STK32B: variants seen among roughly 807,000 people sequenced by gnomAD.
The protein encoded by STK32B is serine/threonine-protein kinase 32B.
A neutral mutation model predicts 52.6 loss-of-function variants in STK32B; 43 were observed. The ratio of observed to expected loss-of-function variants is 0.82; its 90% confidence interval spans 0.64 to 1.05. STK32B has a LOEUF of 1.05. STK32B is among the 50% of genes least tolerant of loss of function. The probability of loss-of-function intolerance (pLI) is 0.00; values close to 1 mark genes in which losing one functional copy is unlikely to be tolerated. For missense variants in STK32B, 621 were observed against 534.6 expected (o/e 1.16, Z -1.59); for synonymous variants, 238 against 204.3 (o/e 1.17, Z -1.41).
At chr4:5,364,769 C>T (rs1452961014) in intron 4 of STK32B, among the ~76,000 whole-genome samples, 1 of 152,132 alleles carries the variant, frequency 6.6e-6, no homozygotes, top group East Asian at 1.9e-4. Context: ...TACTCCAGTC[C>T]CAACCCACAC....
intron 3 of STK32B, among the ~76,000 whole-genome samples, chr4:5,224,658 T>G (rs1247346377): frequency 5.9e-5 from 9 of 152,186 alleles, no homozygotes; most frequent in Non-Finnish European, 1.2e-4. Context: ...TCAGGCCTAC[T>G]ACTGGGGAAT....
At chr4:5,301,619 T>C (rs569080528) in intron 3 of STK32B, among the ~76,000 whole-genome samples, 1 of 151,406 alleles carries the variant, frequency 6.6e-6, no homozygotes, top group African/African-American at 2.4e-5. Context: ...GGTAGTAGTG[T>C]TTTCTTTTTC....
intron 4 of STK32B, among the ~76,000 whole-genome samples, chr4:5,357,219 G>T (rs1442276809): frequency 6.6e-6 from 1 of 152,110 alleles, no homozygotes; most frequent in Non-Finnish European, 1.5e-5. Context: ...AAACCAAATG[G>T]CAGGTTCACA....
chr4:5,380,693 A>T lies in STK32B; in HGVS notation c.435-17514A>T, dbSNP rs1289491582. On this transcript the variant is annotated intron_variant, in intron 4 of 11. Transcript: ENST00000282908. The surrounding 1 kb of genome is among the most constrained non-coding windows in gnomAD (Gnocchi z 4.3). Reference sequence around the variant, plus strand: ...TTTGATTTAATGCCCGGTACTTGCCATCGTGAAATCCTTAAAGCTTTGAAC... The same window carrying T: ...TTTGATTTAATGCCCGGTACTTGCCTTCGTGAAATCCTTAAAGCTTTGAAC... Among the ~76,000 whole-genome samples the T allele has an allele frequency of 6.6e-6, 1 of 152,220 alleles. No individual in the cohort carries two copies. Among genetic ancestry groups the T allele is most frequent in the Non-Finnish European group, 1.5e-5 (1 of 68,042 alleles).
At chr4:5,261,938 TAATC>T (rs1726738795) in intron 3 of STK32B, among the ~76,000 whole-genome samples, 1 of 152,132 alleles carries the variant, frequency 6.6e-6, no homozygotes, top group Admixed American at 6.5e-5. Flanking sequence ...GCAAATATAA[TAATC>T]AAATGTAAAT....
intron 2 of STK32B, among the ~76,000 whole-genome samples, chr4:5,155,034 G>T (rs1397473197): frequency 6.6e-6 from 1 of 152,154 alleles, no homozygotes; most frequent in Non-Finnish European, 1.5e-5. Context: ...CTGTCTTCCT[G>T]CTCATTCTGT....
At chr4:5,416,409 A>G (rs968211192) in intron 5 of STK32B, among the ~76,000 whole-genome samples, 7 of 152,102 alleles carry the variant, frequency 4.6e-5, no homozygotes, top group African/African-American at 1.4e-4. Flanking sequence ...TTACAGTACT[A>G]AGGTCTCCAA....
intron 3 of STK32B, among the ~76,000 whole-genome samples, chr4:5,217,615 A>C (rs556554354): frequency 6.6e-6 from 1 of 152,256 alleles, no homozygotes; most frequent in Non-Finnish European, 1.5e-5. Flanking sequence ...AACAAATATC[A>C]TAGTCATACA....
intron 3 of STK32B, among the ~76,000 whole-genome samples, chr4:5,282,860 G>A (rs1728298252): frequency 6.6e-6 from 1 of 152,076 alleles, no homozygotes; most frequent in Non-Finnish European, 1.5e-5. Flanking sequence ...GAACTTATGA[G>A]TTGTTTATTC....
At chr4:5,083,543 G>A (rs1398373444) in intron 1 of STK32B, among the ~76,000 whole-genome samples, 2 of 152,154 alleles carry the variant, frequency 1.3e-5, no homozygotes, top group African/African-American at 4.8e-5. Context: ...CACAGAGACT[G>A]GCAAATAGTA....
chr4:5,225,338 C>T (rs758886599), intron 3 of STK32B, among the ~76,000 whole-genome samples: 6 of 151,718 alleles, frequency 4.0e-5, no homozygotes, highest in African/African-American at 7.3e-5. Context: ...ACCCAGGAGG[C>T]GGAGGTTGCT....
chr4:5,075,885 CAT>C (rs935098016), intron 1 of STK32B, among the ~76,000 whole-genome samples: 42 of 152,254 alleles, frequency 2.8e-4, no homozygotes, highest in African/African-American at 9.1e-4. Context: ...CATGTAATTA[CAT>C]GTTTGCCTGA....
chr4:5,231,236 C>G (rs771399572), intron 3 of STK32B, among the ~76,000 whole-genome samples: 14 of 152,178 alleles, frequency 9.2e-5, no homozygotes, highest in Admixed American at 9.2e-4. Context: ...ATGTCTTCTT[C>G]TATGCTCTGG....
Position 5,460,192 on chromosome 4 carries a change from G to A in STK32B, c.873G>A (p.Val291=), listed in dbSNP as rs776665910. Residue 291 remains valine, a synonymous_variant, in exon 9 of 12, where the codon GTG becomes GTA. Transcript: ENST00000282908. The surrounding 1 kb of genome is among the most constrained non-coding windows in gnomAD (Gnocchi z 4.8). The part of the protein sequence containing the change: ...PYLADMNWDA[V]FKKALMPGFV... ...TGGCCGACATGAACTGGGACGCGGT[G>A]TTCAAGAAGGCACTGATGCCCGGCT... 4.5e-5 allele frequency: 73 copies of A among 1,613,744 alleles called. No individual in the cohort carries two copies. Among genetic ancestry groups the A allele is most frequent in the Non-Finnish European group, 6.0e-5 (71 of 1,179,942 alleles).
intron 4 of STK32B, among the ~76,000 whole-genome samples, chr4:5,346,615 A>G (rs1372793187): frequency 6.6e-6 from 1 of 152,214 alleles, no homozygotes; most frequent in Admixed American, 6.5e-5. Flanking sequence ...AGCAGTGCTA[A>G]GAGCCTTTAC....
At chr4:5,224,158 G>A (rs1331656838) in intron 3 of STK32B, among the ~76,000 whole-genome samples, 1 of 152,170 alleles carries the variant, frequency 6.6e-6, no homozygotes, top group Admixed American at 6.5e-5. Flanking sequence ...GGGCTATTGG[G>A]ATGAAATGAT....
At chr4:5,261,701 G>A (rs1726722873) in intron 3 of STK32B, among the ~76,000 whole-genome samples, 1 of 152,084 alleles carries the variant, frequency 6.6e-6, no homozygotes, top group African/African-American at 2.4e-5. Flanking sequence ...ACCTAGGACA[G>A]CTCCCCCAAA....
At chr4:5,318,409 C>T (rs1731260086) in intron 3 of STK32B, among the ~76,000 whole-genome samples, 1 of 151,532 alleles carries the variant, frequency 6.6e-6, no homozygotes, top group Non-Finnish European at 1.5e-5. Flanking sequence ...AGGAGACTAG[C>T]AAGTGCAAAG....
chr4:5,423,930 C>T (rs1045737808), intron 6 of STK32B, among the ~76,000 whole-genome samples: 5 of 152,078 alleles, frequency 3.3e-5, no homozygotes, highest in Non-Finnish European at 7.4e-5. Context: ...GGGATTCCTG[C>T]CCTCCTGGGT....
Sources: allele counts gnomAD v4.1 joint callset (sites outside exome capture counted in the v4.1 genomes callset), GRCh38; gene constraint gnomAD v4.1.1; non-coding constraint Gnocchi (gnomAD v3.1); transcripts MANE v1.5; gene names NCBI Gene and HGNC (gene_info 2026-07-23, HGNC 2026-07-21).